NRXN3: variants seen among roughly 807,000 people sequenced by gnomAD.
NRXN3 encodes neurexin 3, also known as neurexin III.
NRXN3 carries 32 observed loss-of-function variants against 137.6 expected under a neutral mutation model. The observed-to-expected ratio is 0.23, with a 90% CI of 0.18 to 0.31. The LOEUF (loss-of-function observed/expected upper bound fraction) is 0.31. NRXN3 is among the 10% of genes least tolerant of loss of function. The pLI is 1.00. For synonymous variants in NRXN3, 798 were observed against 784.5 expected (o/e 1.02, Z -0.29); for missense variants, 1,574 against 2,062.5 (o/e 0.76, Z 4.59).
At chr14:78,485,168 T>G (rs370190265) in intron 4 of NRXN3, among the ~76,000 whole-genome samples, 6 of 152,172 alleles carry the variant, frequency 3.9e-5, no homozygotes, top group East Asian at 3.9e-4. Flanking sequence ...GCATACTTTA[T>G]AATGTAAATA....
At chr14:78,311,689 T>A (rs774719105) in intron 4 of NRXN3, among the ~76,000 whole-genome samples, 8 of 152,068 alleles carry the variant, frequency 5.3e-5, no homozygotes, top group African/African-American at 1.4e-4. Context: ...AAAATAGTAA[T>A]CCTCATAAAA....
intron 10 of NRXN3, among the ~76,000 whole-genome samples, chr14:78,859,152 C>A (rs888527478): frequency 2.6e-5 from 4 of 152,100 alleles, no homozygotes; most frequent in African/African-American, 9.7e-5. Flanking sequence ...TGTTTGCAAT[C>A]ACTTTATTCT....
intron 15 of NRXN3, among the ~76,000 whole-genome samples, chr14:79,397,598 C>T (rs764991905): frequency 8.5e-5 from 13 of 152,234 alleles, no homozygotes; most frequent in Non-Finnish European, 1.6e-4. Context: ...TCTTAAGATG[C>T]TTTTGGTACC....
intron 1 of NRXN3, among the ~76,000 whole-genome samples, chr14:78,225,327 G>C (rs1282121455): frequency 1.3e-5 from 2 of 152,156 alleles, no homozygotes; most frequent in Non-Finnish European, 2.9e-5. Flanking sequence ...TTGTGGTTTT[G>C]ATTTGCATTT....
At chr14:78,706,736 A>G (rs1344067380) in intron 6 of NRXN3, among the ~76,000 whole-genome samples, 1 of 152,148 alleles carries the variant, frequency 6.6e-6, no homozygotes, top group Non-Finnish European at 1.5e-5. Context: ...TAGTATCATT[A>G]TTTTCAATGT....
rs1441127857 is a variant in NRXN3 at position 79,280,609 on chromosome 14, T to C, written c.3263-186612T>C. On this transcript the variant is annotated intron_variant, in intron 15 of 20. Coordinates refer to ENST00000335750, the MANE Select transcript of NRXN3 (RefSeq NM_001330195.2). ...GCTAACCCACTAGCCTTGCAGGTAG[T>C]GTCAAAGGTGGGAAGGGAATTTAAA... 4.3e-6 allele frequency: 6 copies of C among 1,394,688 alleles called. No individual in the cohort carries two copies. The African/African-American group carries it at 7.2e-5, about 17-fold the overall frequency. 86.4% of individuals were successfully genotyped at this position (1,394,688 alleles called of 1,614,324 possible). A position where few individuals can be genotyped will look rare whatever the true frequency, so the allele number is the denominator to read the frequency against.
chr14:79,735,878 T>G (rs1469763582), intron 19 of NRXN3, among the ~76,000 whole-genome samples: 1 of 152,210 alleles, frequency 6.6e-6, no homozygotes, highest in African/African-American at 2.4e-5. Context: ...GTGTTTAAAA[T>G]AATTAGCTCT....
In NRXN3 at chr14:78,981,078, G is replaced by C. The variant is rs2099488179; in HGVS notation, c.3143-6944G>C. Among the ~76,000 whole-genome samples the C allele has an allele frequency of 2.0e-5, 3 of 152,166 alleles. No homozygotes were observed. The South Asian group carries it at 6.3e-4, about 32-fold the overall frequency. The stretch of plus-strand genomic sequence containing the variant: ...CTTAGAATGTCTGGAATTTTATGTT[G>C]GTTTGGAAGAGTGTTTTATGAAAAA... On this transcript the variant is annotated intron_variant, in intron 14 of 20. Coordinates refer to ENST00000335750, the MANE Select transcript of NRXN3 (RefSeq NM_001330195.2).
At chr14:78,999,407 A>G (rs983459344) in intron 15 of NRXN3, among the ~76,000 whole-genome samples, 1 of 152,214 alleles carries the variant, frequency 6.6e-6, no homozygotes, top group African/African-American at 2.4e-5. Flanking sequence ...TGTCAGGCAC[A>G]TAACAGATAC....
At chr14:79,695,983 A>C (rs2098734079) in intron 18 of NRXN3, among the ~76,000 whole-genome samples, 1 of 151,962 alleles carries the variant, frequency 6.6e-6, no homozygotes, top group Admixed American at 6.6e-5. Context: ...GCAGTGTTGA[A>C]AGCTTCCAAA....
chr14:79,691,917 G>A (rs180990759), intron 17 of NRXN3, among the ~76,000 whole-genome samples: 145 of 152,092 alleles, frequency 9.5e-4, no homozygotes, highest in Non-Finnish European at 1.8e-3. Flanking sequence ...ATCCATTTCC[G>A]TAAACGGCCA....
At chr14:79,695,829 G>T (rs1178873515) in intron 18 of NRXN3, among the ~76,000 whole-genome samples, 2 of 151,944 alleles carry the variant, frequency 1.3e-5, no homozygotes, top group Non-Finnish European at 2.9e-5. Context: ...GAAAATCTAT[G>T]AGATCTGTTT....
chr14:78,181,808 C>G (rs2059833552), intron 1 of NRXN3, among the ~76,000 whole-genome samples: 2 of 152,118 alleles, frequency 1.3e-5, no homozygotes, highest in South Asian at 4.1e-4. Context: ...CGGAGACTCT[C>G]AGAGCTGGAA....
At chr14:79,227,195 TC>T (rs1434876389) in intron 15 of NRXN3, among the ~76,000 whole-genome samples, 4 of 152,146 alleles carry the variant, frequency 2.6e-5, no homozygotes, top group Admixed American at 6.6e-5. Flanking sequence ...GTAACACTTA[TC>T]ATTGAGCACT....
At chr14:79,160,154 C>T (rs2060623898) in intron 15 of NRXN3, among the ~76,000 whole-genome samples, 1 of 151,848 alleles carries the variant, frequency 6.6e-6, no homozygotes, top group Admixed American at 6.6e-5. Context: ...GAAATGGCCT[C>T]ATTTCAAAGA....
chr14:79,772,958 G>C (rs993189499), intron 19 of NRXN3, among the ~76,000 whole-genome samples: 1 of 152,078 alleles, frequency 6.6e-6, no homozygotes, highest in Non-Finnish European at 1.5e-5. Flanking sequence ...CCATCAAAAA[G>C]TGGGCAAAGG....
chr14:78,202,779 G>T (rs1434150787), intron 1 of NRXN3, among the ~76,000 whole-genome samples: 1 of 152,108 alleles, frequency 6.6e-6, no homozygotes, highest in East Asian at 1.9e-4. Context: ...CAGGAAAAGG[G>T]GACCAATTTC....
chr14:78,770,880 T>A (rs764482399), intron 8 of NRXN3, among the ~76,000 whole-genome samples: 5 of 152,176 alleles, frequency 3.3e-5, no homozygotes, highest in Admixed American at 6.5e-5. Context: ...GGAGCTGTCC[T>A]AAATCCTGGC....
At chr14:79,048,752 C>T (rs1315849693) in intron 15 of NRXN3, among the ~76,000 whole-genome samples, 3 of 150,816 alleles carry the variant, frequency 2.0e-5, no homozygotes, top group Admixed American at 6.6e-5. Flanking sequence ...AGGCCGGGCG[C>T]GGTGGCTCAC....
Sources: allele counts gnomAD v4.1 joint callset (sites outside exome capture counted in the v4.1 genomes callset), GRCh38; gene constraint gnomAD v4.1.1; transcripts MANE v1.5; gene names NCBI Gene and HGNC (gene_info 2026-07-23, HGNC 2026-07-21).